Variants in DCTD observed in about 807,000 individuals in gnomAD.
The protein encoded by DCTD is dCMP deaminase.
Under a neutral mutation model 21.0 loss-of-function variants are expected in DCTD, and 23 were observed. The ratio of observed to expected loss-of-function variants is 1.09; its 90% CI spans 0.79 to 1.55. The LOEUF is 1.55. DCTD is among the 40% of genes most tolerant of loss of function. The pLI is 0.00. For synonymous variants in DCTD, 71 were observed against 81.1 expected (o/e 0.88, Z 0.67); for missense variants, 224 against 230.0 (o/e 0.97, Z 0.17).
In DCTD at chr4:182,917,154, G is replaced by A; in HGVS notation, c.-8+157C>T. 1.0e-6 allele frequency: 1 copy of A among 987,636 alleles called. No homozygotes were observed. Among genetic ancestry groups the A allele is most frequent in the Non-Finnish European group, 1.2e-6 (1 of 832,044 alleles). The allele number at this position is 987,636 out of a possible 1,614,324, so 61.2% of individuals were successfully genotyped here. A position where few individuals can be genotyped will look rare whatever the true frequency, so the allele number is the denominator to read the frequency against. ...CGCCCCCACCCCGCCCGCATTCTCC[G>A]ATCTAAAGGCTGAGCGCGGCCGAGG... On this transcript the variant is annotated intron_variant, in intron 1 of 5. Coordinates refer to ENST00000438320, the MANE Select transcript of DCTD (RefSeq NM_001921.3). This position sits in a 1 kb window ranked among gnomAD's most constrained non-coding sequence, Gnocchi z 4.9.
Position 182,904,079 on chromosome 4 carries a change from T to C in DCTD, c.245-9474A>G, listed in dbSNP as rs538946280. Among the ~76,000 whole-genome samples, 88 of 152,094 alleles carry C rather than the reference T, an allele frequency of 5.8e-4. 1 individual carries two copies. The highest frequency in any genetic ancestry group is 1.8e-3 in the African/African-American group (76 of 41,502). The stretch of plus-strand genomic sequence containing the variant: ...ATTTCTTTTTCCCTCTCTCCCACTC[T>C]GCTCCCCATCCCTGCCCCCTTCCTC... On this transcript the variant is annotated intron_variant, in intron 3 of 5. Transcript: ENST00000438320.
In DCTD at chr4:182,893,021, C is replaced by A; in HGVS notation, c.458+10G>T. The A allele has an allele frequency of 6.3e-7, 1 of 1,584,066 alleles. No individual in the cohort carries two copies. On this transcript the variant is annotated intron_variant, in intron 5 of 5. Transcript: ENST00000438320. ...TACCCCGTCCCCCCGCCCGCATTCT[C>A]CCCACTTACCGGAATGTCACCCCGG...
At chr4:182,899,416 AG>A (rs1735328993) in intron 3 of DCTD, among the ~76,000 whole-genome samples, 1 of 86,470 alleles carries the variant, frequency 1.2e-5, no homozygotes, top group African/African-American at 4.4e-5. Context: ...TTTTTTTTTT[AG>A]ATGGAGTTTT....
intron 3 of DCTD, 26 bp from the exon 4 acceptor site, chr4:182,894,631 A>C: frequency 6.6e-7 from 1 of 1,504,668 alleles, no homozygotes; most frequent in Non-Finnish European, 9.3e-7. Flanking sequence ...GAAAGAAAGA[A>C]AAACTTTGGT....
chr4:182,913,050 C>T (rs1738001625), intron 3 of DCTD, among the ~76,000 whole-genome samples: 1 of 152,218 alleles, frequency 6.6e-6, no homozygotes, highest in Non-Finnish European at 1.5e-5. Flanking sequence ...ATCGACCCTC[C>T]ACTTTCACCA....
chr4:182,901,771 G>A (rs1359878716), intron 3 of DCTD, among the ~76,000 whole-genome samples: 2 of 143,864 alleles, frequency 1.4e-5, no homozygotes, highest in Non-Finnish European at 3.0e-5. Context: ...AGGTTGACCT[G>A]TGCATTAAAA....
intron 3 of DCTD, among the ~76,000 whole-genome samples, chr4:182,897,225 A>T (rs1329946845): frequency 1.3e-5 from 2 of 152,116 alleles, no homozygotes; most frequent in Non-Finnish European, 2.9e-5. Flanking sequence ...AATGCACAGC[A>T]TTATAAACAG....
Position 182,914,866 on chromosome 4 carries a change from A to G in DCTD, c.244+57T>C, listed in dbSNP as rs1166959286. 2.5e-6 allele frequency: 4 copies of G among 1,603,134 alleles called. No homozygotes were observed. The African/African-American group carries it at 5.4e-5, about 21-fold the overall frequency. ...TGATGCCTTCTGACCAACTTTCTTA[A>G]TTAGGCACTCACCAGGCTATGTCAC... On this transcript the variant is annotated intron_variant, in intron 3 of 5. Transcript: ENST00000438320.
At chr4:182,915,724 C>A in intron 1 of DCTD, 149 bp from the exon 2 acceptor site, 1 of 746,976 alleles carries the variant, frequency 1.3e-6, no homozygotes, top group Non-Finnish European at 2.2e-6. Flanking sequence ...GCACATGGGC[C>A]CTAAACAGTC....
intron 1 of DCTD, chr4:182,916,849 G>A (rs1738831586): frequency 9.6e-7 from 1 of 1,045,580 alleles, no homozygotes; most frequent in South Asian, 2.5e-5. Flanking sequence ...TGTGAGGACT[G>A]AGGCCCAGCT....
chr4:182,914,811 T>C lies in DCTD; in HGVS notation c.244+112A>G, dbSNP rs946661868. On this transcript the variant is annotated intron_variant, in intron 3 of 5. Coordinates refer to ENST00000438320, the MANE Select transcript of DCTD (RefSeq NM_001921.3). ...TTGGGGTAGTTCAGTAGGATACTTTTCTTTCCAGTTGTTGATGACAAAAGG... is the reference window on the plus strand; with the variant it reads ...TTGGGGTAGTTCAGTAGGATACTTTCCTTTCCAGTTGTTGATGACAAAAGG... The C allele has an allele frequency of 6.4e-6, 8 of 1,259,830 alleles. No homozygotes were observed. The African/African-American group carries it at 1.2e-4, about 19-fold the overall frequency. 78.0% of individuals were successfully genotyped at this position (1,259,830 alleles called of 1,614,324 possible).
chr4:182,911,299 A>G lies in DCTD; in HGVS notation c.244+3624T>C, dbSNP rs562830712. ...GCCTAATTACGTCCCCCCAGGCCCC[A>G]CCTCCAAATATCAGCACATTGGAAT... On this transcript the variant is annotated intron_variant, in intron 3 of 5. Coordinates refer to ENST00000438320, the MANE Select transcript of DCTD (RefSeq NM_001921.3). The G allele has an allele frequency of 4.8e-3, 738 of 152,258 alleles. 6 individuals carry two copies. The highest frequency in any genetic ancestry group is 7.1e-3 in the Non-Finnish European group (480 of 68,038). 9.4% of individuals were successfully genotyped at this position (152,258 alleles called of 1,614,324 possible).
chr4:182,907,693 A>T (rs1161686737), intron 3 of DCTD, among the ~76,000 whole-genome samples: 1 of 152,180 alleles, frequency 6.6e-6, no homozygotes, highest in Non-Finnish European at 1.5e-5. Flanking sequence ...AGCTTTTTAC[A>T]GCTCTGATTT....
intron 1 of DCTD, chr4:182,916,724 T>TA: frequency 9.3e-7 from 1 of 1,069,876 alleles, no homozygotes. Context: ...GAGAAGTACC[T>TA]ACTAAATAGG....
intron 5 of DCTD, among the ~76,000 whole-genome samples, 178 bp downstream of exon 5, chr4:182,892,853 C>T (rs781356891): frequency 2.0e-5 from 3 of 152,192 alleles, no homozygotes; most frequent in Non-Finnish European, 4.4e-5. Flanking sequence ...TCAGATTTTC[C>T]TGTCACTGCT....
At chr4:182,917,487 G>GAGGA (rs761505292), upstream of DCTD, 152 of 211,028 alleles carry the variant, frequency 7.2e-4, 17 homozygotes, top group Non-Finnish European at 1.0e-3. The surrounding 1 kb of genome is among the most constrained non-coding windows in gnomAD (Gnocchi z 4.9). Flanking sequence ...TGAGGGGAGG[G>GAGGA]AGGGAGGGAC....
At chr4:182,914,863 T>A (rs528216134) in intron 3 of DCTD, 60 bp downstream of exon 3, 2 of 1,599,474 alleles carry the variant, frequency 1.3e-6, no homozygotes, top group African/African-American at 2.7e-5. Context: ...ACCAACTTTC[T>A]TAATTAGGCA....
In DCTD at chr4:182,891,457, C is replaced by T. The variant is rs746506003; in HGVS notation, c.479G>A (p.Ser160Asn). Reference sequence around the variant, plus strand: ...TGAATCAAAGTCAATGACAATCTTGCTGCACTTCGGTATGAATTTCCTAAA... The same window carrying T: ...TGAATCAAAGTCAATGACAATCTTGTTGCACTTCGGTATGAATTTCCTAAA... ...VTFRKFIPKC[S>N]KIVIDFDSIN... Residue 160 changes from serine to asparagine, a missense_variant, in exon 6 of 6, where the codon AGC becomes AAC. By Grantham distance (46) the Ser-to-Asn change is conservative (BLOSUM62 1). Transcript: ENST00000438320. 4.3e-6 allele frequency: 7 copies of T among 1,611,388 alleles called. No individual in the cohort carries two copies. Among genetic ancestry groups the T allele is most frequent in the Admixed American group, 1.7e-5 (1 of 59,990 alleles).
intron 1 of DCTD, 45 bp from the exon 2 acceptor site, chr4:182,915,620 A>G (rs1188776844): frequency 7.6e-7 from 1 of 1,309,190 alleles, no homozygotes; most frequent in Non-Finnish European, 1.1e-6. Context: ...GAAGCATTTT[A>G]GTAAGTCTGT....
Sources: allele counts gnomAD v4.1 joint callset (sites outside exome capture counted in the v4.1 genomes callset), GRCh38; gene constraint gnomAD v4.1.1; non-coding constraint Gnocchi (gnomAD v3.1); transcripts MANE v1.5; gene names NCBI Gene and HGNC (gene_info 2026-07-23, HGNC 2026-07-21).